The following FOXO1 variants were observed in gnomAD, a reference collection of about 807,000 sequenced individuals.
The protein encoded by FOXO1 is forkhead box O1, also known as forkhead box protein O1.
Under a neutral mutation model 44.1 loss-of-function variants are expected in FOXO1, and 6 were observed. That is an observed-to-expected ratio of 0.14 (90% CI 0.07 to 0.27). The LOEUF (loss-of-function observed/expected upper bound fraction) is 0.27. FOXO1 is among the 10% of genes least tolerant of loss of function. FOXO1 has a pLI of 1.00. For synonymous variants in FOXO1, 380 were observed against 362.7 expected (o/e 1.05, Z -0.54); for missense variants, 737 against 888.8 (o/e 0.83, Z 2.17).
At chr13:40,596,702 G>C (rs1005963443) in intron 1 of FOXO1, among the ~76,000 whole-genome samples, 1 of 152,144 alleles carries the variant, frequency 6.6e-6, no homozygotes, top group Non-Finnish European at 1.5e-5. Context: ...AAATATACAC[G>C]TCACTAAGCA....
rs10623475 is a variant in FOXO1, at chr13:40,585,343, G to GCGCACACACA, written c.631-24484_631-24483insTGTGTGTGCG. On this transcript the variant is annotated intron_variant, in intron 1 of 2. Transcript: ENST00000379561. ...ATGTAAGTATTTCCTCTGCGCGCGCGCACACACACACACACACACACACAC... is the reference window on the plus strand; with the variant it reads ...ATGTAAGTATTTCCTCTGCGCGCGCGCGCACACACACACACACACACACACACACACACAC... Among the ~76,000 whole-genome samples, 1,120 of 147,102 alleles carry GCGCACACACA rather than the reference G, an allele frequency of 7.6e-3. 16 individuals are homozygous for GCGCACACACA. The highest frequency in any genetic ancestry group is 0.024 in the African/African-American group (954 of 39,772).
At chr13:40,660,965 A>G (rs1411566534) in intron 1 of FOXO1, among the ~76,000 whole-genome samples, 1 of 146,568 alleles carries the variant, frequency 6.8e-6, no homozygotes, top group Non-Finnish European at 1.5e-5. Context: ...AACAACAACA[A>G]CAACAACAAC....
intron 1 of FOXO1, chr13:40,620,549 C>A: frequency 2.3e-6 from 1 of 436,692 alleles, no homozygotes. Flanking sequence ...TCTGGTTCTC[C>A]AAGTCAGAGC....
chr13:40,631,325 C>T (rs564123393), intron 1 of FOXO1, among the ~76,000 whole-genome samples: 2 of 152,172 alleles, frequency 1.3e-5, no homozygotes, highest in South Asian at 4.2e-4. Flanking sequence ...AATCAAAGAC[C>T]TAAATGTAAG....
At chr13:40,601,151 G>A (rs972345412) in intron 1 of FOXO1, among the ~76,000 whole-genome samples, 5 of 152,030 alleles carry the variant, frequency 3.3e-5, no homozygotes, top group African/African-American at 1.2e-4. Flanking sequence ...TCTGCCACAT[G>A]ACAAATTTGT....
chr13:40,620,491 C>A, intron 1 of FOXO1: 1 of 549,630 alleles, frequency 1.8e-6, no homozygotes, highest in South Asian at 1.8e-5. Flanking sequence ...ATGACTGGGT[C>A]TGGAGAATCT....
At chr13:40,629,904 A>G (rs1008202539) in intron 1 of FOXO1, among the ~76,000 whole-genome samples, 5 of 152,246 alleles carry the variant, frequency 3.3e-5, no homozygotes, top group African/African-American at 9.6e-5. Context: ...ATGTGCTAGT[A>G]AAGTGAGCAT....
At chr13:40,568,302 T>C (rs1874349047) in intron 1 of FOXO1, among the ~76,000 whole-genome samples, 1 of 152,184 alleles carries the variant, frequency 6.6e-6, no homozygotes, top group Admixed American at 6.5e-5. Context: ...TCCCAAAGCA[T>C]TTAATCTAAT....
At chr13:40,641,080 G>A (rs181933358) in intron 1 of FOXO1, among the ~76,000 whole-genome samples, 158 of 152,128 alleles carry the variant, frequency 1.0e-3, no homozygotes, top group African/African-American at 3.5e-3. Context: ...CATCGTGCCC[G>A]GCCAGTGTTT....
intron 1 of FOXO1, among the ~76,000 whole-genome samples, chr13:40,589,739 G>T (rs895684209): frequency 6.6e-6 from 1 of 152,176 alleles, no homozygotes; most frequent in Non-Finnish European, 1.5e-5. Context: ...TAAGAAAGAG[G>T]AAATGTGCTT....
chr13:40,656,157 C>A (rs1384389879), intron 1 of FOXO1, among the ~76,000 whole-genome samples: 2 of 152,186 alleles, frequency 1.3e-5, no homozygotes. Context: ...ATTTAACCTC[C>A]TCTGGATCTA....
chr13:40,558,397 T>C lies in FOXO1; in HGVS notation c.*652A>G, dbSNP rs1873840585. ...AAAATAGAAAAGACCTGTACAAAGC[T>C]GGCATTTAATCTTTTTTTTTCCAAA... On this transcript the variant is annotated 3_prime_UTR_variant, in exon 3 of 3. Coordinates refer to ENST00000379561, the MANE Select transcript of FOXO1 (RefSeq NM_002015.4). 7.0e-6 allele frequency: 1 copy of C among 142,560 alleles called. No individual in the cohort carries two copies. Among genetic ancestry groups the C allele is most frequent in the Non-Finnish European group, 1.5e-5 (1 of 67,100 alleles). The allele number at this position is 142,560 out of a possible 1,614,324, so 8.8% of individuals were successfully genotyped here.
At chr13:40,567,786 G>C (rs552109952) in intron 1 of FOXO1, among the ~76,000 whole-genome samples, 1 of 152,024 alleles carries the variant, frequency 6.6e-6, no homozygotes, top group African/African-American at 2.4e-5. Context: ...TGGGCAATAT[G>C]GTGAAACCCC....
At chr13:40,603,353 C>CA (rs60741629) in intron 1 of FOXO1, among the ~76,000 whole-genome samples, 2,569 of 73,366 alleles carry the variant, frequency 0.035, 32 homozygotes, top group African/African-American at 0.046. Context: ...CAGATGAATC[C>CA]AAAAAAAAAA....
At chr13:40,585,343 GCACACACACA>G (rs1555248752) in intron 1 of FOXO1, among the ~76,000 whole-genome samples, 1 of 147,020 alleles carries the variant, frequency 6.8e-6, no homozygotes, top group African/African-American at 2.5e-5. Context: ...CTGCGCGCGC[GCACACACACA>G]CACACACACA....
At chr13:40,625,348 A>C (rs1345251667) in intron 1 of FOXO1, among the ~76,000 whole-genome samples, 1 of 152,240 alleles carries the variant, frequency 6.6e-6, no homozygotes, top group Non-Finnish European at 1.5e-5. Context: ...AAAGAAAATA[A>C]AAATAAATAT....
chr13:40,663,212 T>A (rs992090501), intron 1 of FOXO1, among the ~76,000 whole-genome samples: 7 of 151,388 alleles, frequency 4.6e-5, no homozygotes, highest in African/African-American at 1.5e-4. Flanking sequence ...CAAATAAATT[T>A]AAAAAAAAAC....
At chr13:40,605,556 T>C (rs1454105924) in intron 1 of FOXO1, among the ~76,000 whole-genome samples, 2 of 152,170 alleles carry the variant, frequency 1.3e-5, no homozygotes, top group Admixed American at 6.5e-5. Context: ...TCCTCCCCTT[T>C]GTCCAGGCTG....
intron 1 of FOXO1, among the ~76,000 whole-genome samples, chr13:40,612,489 G>A (rs925733118): frequency 5.9e-5 from 9 of 152,166 alleles, no homozygotes; most frequent in East Asian, 5.8e-4. Context: ...ACATATGTAC[G>A]TATACACACA....
Sources: allele counts gnomAD v4.1 joint callset (sites outside exome capture counted in the v4.1 genomes callset), GRCh38; gene constraint gnomAD v4.1.1; transcripts MANE v1.5; gene names NCBI Gene and HGNC (gene_info 2026-07-23, HGNC 2026-07-21).